The following ZBED3 variants were observed in gnomAD, a reference collection of about 807,000 sequenced individuals.
The protein encoded by ZBED3 is zinc finger BED-type containing 3.
For missense variants in ZBED3, 388 were observed against 362.9 expected, an observed-to-expected ratio of 1.07 and a Z score of -0.56; for synonymous variants, 175 against 180.0, an observed-to-expected ratio of 0.97 and a Z score of 0.22.
Position 77,077,717 on chromosome 5 carries a change from C to T in ZBED3, c.162G>A (p.Leu54=). ...PYSEAWGYFH[L]APGRPGHPSG... is the part of the protein sequence containing the mutation. Reference sequence around the variant, plus strand: ...ACGGATGCCCGGGGCGCCCCGGCGCCAGGTGGAAGTAGCCCCAGGCCTCGG... The same window carrying T: ...ACGGATGCCCGGGGCGCCCCGGCGCTAGGTGGAAGTAGCCCCAGGCCTCGG... The change falls in exon 3 of 3, where the codon CTG becomes CTA. Residue 54 remains leucine, a synonymous_variant. Transcript: ENST00000255198. The T allele has an allele frequency of 1.5e-6, 2 of 1,350,060 alleles. No individual in the cohort carries two copies. Among genetic ancestry groups the T allele is most frequent in the South Asian group, 3.6e-5 (2 of 55,750 alleles). 83.6% of individuals were successfully genotyped at this position (1,350,060 alleles called of 1,614,324 possible).
chr5:77,073,297 T>TA lies in ZBED3; in HGVS notation c.*3876dup, dbSNP rs959300802. The TA allele has an allele frequency of 3.3e-5, 5 of 152,176 alleles. No homozygotes were observed. The highest frequency in any genetic ancestry group is 1.3e-4 in the Admixed American group (2 of 15,282). The allele number at this position is 152,176 out of a possible 1,614,324, so 9.4% of individuals were successfully genotyped here. On this transcript the variant is annotated 3_prime_UTR_variant, in exon 3 of 3. Coordinates refer to ENST00000255198, the MANE Select transcript of ZBED3 (RefSeq NM_032367.4). The stretch of plus-strand genomic sequence containing the variant: ...TCCTTTCCTATGTTTTAATGGTTCT[T>TA]ACAATTGGTGAGATAGAAGAGTAAC...
chr5:77,077,738 C>T lies in ZBED3; in HGVS notation c.141G>A (p.Glu47=). ...GCGCCAGGTGGAAGTAGCCCCAGGC[C>T]TCGGAGTATGGCGCCCCCAGGCGGC... The part of the protein sequence containing the change: ...PPGRLGAPYS[E]AWGYFHLAPG... The change falls in exon 3 of 3, where the codon GAG becomes GAA. Residue 47 remains glutamate (E), a synonymous_variant. Transcript: ENST00000255198. 7.5e-7 allele frequency: 1 copy of T among 1,341,708 alleles called. No homozygotes were observed. Among genetic ancestry groups the T allele is most frequent in the Non-Finnish European group, 9.5e-7 (1 of 1,049,538 alleles). The allele number at this position is 1,341,708 out of a possible 1,614,324, so 83.1% of individuals were successfully genotyped here.
chr5:77,077,218 C>T lies in ZBED3; in HGVS notation c.661G>A (p.Glu221Lys). The change falls in exon 3 of 3, where the codon GAG becomes AAG. Residue 221 changes from glutamate to lysine, a missense_variant. By Grantham distance (56) the Glu-to-Lys change is moderately conservative. Transcript: ENST00000255198. Reference sequence around the variant, plus strand: ...ATGACGCAGCCGTCCCTGTCACCCTCGGGGTCGTCCTTGAGCGGCGGCGGC... The same window carrying T: ...ATGACGCAGCCGTCCCTGTCACCCTTGGGGTCGTCCTTGAGCGGCGGCGGC... ...AAPPPLKDDP[E>K]GDRDGCVITK... The T allele has an allele frequency of 1.3e-6, 2 of 1,499,434 alleles. No homozygotes were observed. The highest frequency in any genetic ancestry group is 1.8e-6 in the Non-Finnish European group (2 of 1,130,332). The allele number at this position is 1,499,434 out of a possible 1,614,324, so 92.9% of individuals were successfully genotyped here.
rs1487336518 is a variant in ZBED3, at chr5:77,076,997, C to T, written c.*177G>A. ...GTGAGTTTTGGTTCTGCTCTGGCTTCGAAGTGCTTCTCAAGCTGAAGCCTT... is the reference window on the plus strand; with the variant it reads ...GTGAGTTTTGGTTCTGCTCTGGCTTTGAAGTGCTTCTCAAGCTGAAGCCTT... On this transcript the variant is annotated 3_prime_UTR_variant, in exon 3 of 3. Transcript: ENST00000255198. 1.9e-5 allele frequency: 9 copies of T among 462,890 alleles called. No homozygotes were observed. Among genetic ancestry groups the T allele is most frequent in the Non-Finnish European group, 3.5e-6 (1 of 286,932 alleles). The allele number at this position is 462,890 out of a possible 1,614,324, so 28.7% of individuals were successfully genotyped here.
intron 1 of ZBED3, among the ~76,000 whole-genome samples, chr5:77,080,910 GTACCC>G (rs1384702168): frequency 6.6e-6 from 1 of 152,198 alleles, no homozygotes; most frequent in Non-Finnish European, 1.5e-5. Flanking sequence ...TTGTGCACAT[GTACCC>G]TAGAACTTAA....
intron 2 of ZBED3, 66 bp from the exon 3 acceptor site, chr5:77,077,961 A>C (rs2150740802): frequency 8.8e-7 from 1 of 1,138,630 alleles, no homozygotes; most frequent in East Asian, 3.2e-5. Flanking sequence ...GACTACAGTT[A>C]GCCTAAGAAA....
chr5:77,077,880 C>A lies in ZBED3; in HGVS notation c.-2G>T, dbSNP rs762508530. ...GCAGGCCGGCTCGCCACTCCTCATT[C>A]TGCGGCGCCCGCACGCTGGGGAGCA... On this transcript the variant is annotated 5_prime_UTR_variant, in exon 3 of 3. Coordinates refer to ENST00000255198, the MANE Select transcript of ZBED3 (RefSeq NM_032367.4). 6.4e-6 allele frequency: 8 copies of A among 1,255,050 alleles called. No individual in the cohort carries two copies. The highest frequency in any genetic ancestry group is 7.0e-6 in the Non-Finnish European group (7 of 1,002,406). The allele number at this position is 1,255,050 out of a possible 1,614,324, so 77.7% of individuals were successfully genotyped here. A position where few individuals can be genotyped will look rare whatever the true frequency, so the allele number is the denominator to read the frequency against.
chr5:77,075,394 C>G lies in ZBED3; in HGVS notation c.*1780G>C, dbSNP rs1362924703. 2 of 152,150 alleles carry G rather than the reference C, an allele frequency of 1.3e-5. No homozygotes were observed. Among genetic ancestry groups the G allele is most frequent in the Admixed American group, 1.3e-4 (2 of 15,284 alleles). The allele number at this position is 152,150 out of a possible 1,614,324, so 9.4% of individuals were successfully genotyped here. ...GTCGTTGTTTTTAAAGACAAACATT[C>G]TGGAGACAATTGTTGAATACTGATT... On this transcript the variant is annotated 3_prime_UTR_variant, in exon 3 of 3. Transcript: ENST00000255198.
chr5:77,073,377 C>T lies in ZBED3; in HGVS notation c.*3797G>A, dbSNP rs1189472435. ...AAAAGGAAATTCAGATCATCTAGCC[C>T]AATTTATAAATCCATATGAAGAAGT... is the stretch of plus-strand genomic sequence containing the variant. On this transcript the variant is annotated 3_prime_UTR_variant, in exon 3 of 3. Transcript: ENST00000255198. 1 of 151,770 alleles carries T rather than the reference C, an allele frequency of 6.6e-6. No individual in the cohort carries two copies. Among genetic ancestry groups the T allele is most frequent in the East Asian group, 1.9e-4 (1 of 5,194 alleles). The allele number at this position is 151,770 out of a possible 1,614,324, so 9.4% of individuals were successfully genotyped here.
At chr5:77,084,912 A>G (rs1031228476) in intron 1 of ZBED3, among the ~76,000 whole-genome samples, 2 of 152,256 alleles carry the variant, frequency 1.3e-5, no homozygotes, top group African/African-American at 2.4e-5. Flanking sequence ...CACTGCTAAC[A>G]TGAAATTAAC....
intron 1 of ZBED3, among the ~76,000 whole-genome samples, chr5:77,084,065 C>T (rs1052942456): frequency 6.6e-6 from 1 of 152,244 alleles, no homozygotes; most frequent in Non-Finnish European, 1.5e-5. Context: ...CATCCATTCA[C>T]TCCATCCAAC....
intron 1 of ZBED3, among the ~76,000 whole-genome samples, chr5:77,082,375 G>T (rs1743145776): frequency 6.6e-6 from 1 of 151,972 alleles, no homozygotes. Context: ...CACGTAGAAT[G>T]ACATCAGAAT....
intron 1 of ZBED3, among the ~76,000 whole-genome samples, chr5:77,082,928 G>A (rs898611973): frequency 2.6e-5 from 4 of 152,182 alleles, no homozygotes; most frequent in African/African-American, 9.7e-5. Flanking sequence ...CTGAGGTCAG[G>A]AGTTCAAGAC....
chr5:77,082,818 C>G (rs1387645611), intron 1 of ZBED3, among the ~76,000 whole-genome samples: 4 of 152,122 alleles, frequency 2.6e-5, no homozygotes, highest in African/African-American at 9.7e-5. Context: ...AGGATCTCTA[C>G]ATAAATAAAA....
rs1337787466 is a variant in ZBED3, at chr5:77,073,761, T to A, written c.*3413A>T. 1.3e-5 allele frequency: 2 copies of A among 152,166 alleles called. No homozygotes were observed. The highest frequency in any genetic ancestry group is 2.9e-5 in the Non-Finnish European group (2 of 68,022). The allele number at this position is 152,166 out of a possible 1,614,324, so 9.4% of individuals were successfully genotyped here. A position where few individuals can be genotyped will look rare whatever the true frequency, so the allele number is the denominator to read the frequency against. ...ATTAGTAATTACAGGAAAACTAACTTGTAAAAATCTTAAAGACATTGAATG... is the reference window on the plus strand; with the variant it reads ...ATTAGTAATTACAGGAAAACTAACTAGTAAAAATCTTAAAGACATTGAATG... On this transcript the variant is annotated 3_prime_UTR_variant, in exon 3 of 3. Transcript: ENST00000255198.
In ZBED3 at chr5:77,073,422, A is replaced by G. The variant is rs1742919436; in HGVS notation, c.*3752T>C. The G allele has an allele frequency of 6.6e-6, 1 of 152,236 alleles. No homozygotes were observed. 9.4% of individuals were successfully genotyped at this position (152,236 alleles called of 1,614,324 possible). A position where few individuals can be genotyped will look rare whatever the true frequency, so the allele number is the denominator to read the frequency against. ...AGAAGTTAAGTTCCAATACTTGAAA[A>G]TAACTTAGAGTAATATAAAAATTGC... On this transcript the variant is annotated 3_prime_UTR_variant, in exon 3 of 3. Coordinates refer to ENST00000255198, the MANE Select transcript of ZBED3 (RefSeq NM_032367.4).
At position 77,077,153 on chromosome 5, in the gene ZBED3, G is replaced by A. The variant is rs374247113; in HGVS notation, c.*21C>T. On this transcript the variant is annotated 3_prime_UTR_variant, in exon 3 of 3. Coordinates refer to ENST00000255198, the MANE Select transcript of ZBED3 (RefSeq NM_032367.4). The stretch of plus-strand genomic sequence containing the variant: ...ATTGGACGGAGAAGCGCTGTCCTGG[G>A]GTGGGGAAGTGGCCACACCCCTACA... The A allele has an allele frequency of 5.1e-5, 72 of 1,416,086 alleles. No homozygotes were observed. The highest frequency in any genetic ancestry group is 4.4e-4 in the East Asian group (15 of 34,290). The allele number at this position is 1,416,086 out of a possible 1,614,324, so 87.7% of individuals were successfully genotyped here. A position where few individuals can be genotyped will look rare whatever the true frequency, so the allele number is the denominator to read the frequency against.
At chr5:77,084,010 T>A (rs534645859) in intron 1 of ZBED3, among the ~76,000 whole-genome samples, 36 of 152,254 alleles carry the variant, frequency 2.4e-4, no homozygotes, top group African/African-American at 8.4e-4. Flanking sequence ...CTTGAAAAAA[T>A]TTTTAAACTA....
chr5:77,080,093 G>A lies in ZBED3; in HGVS notation c.-152-1365C>T, dbSNP rs370374733. ...TTTATAAATTAAAAGGGATGTAAAC[G>A]TTTCCTATAACATCAAGAGTATTGC... On this transcript the variant is annotated intron_variant, in intron 1 of 2. Coordinates refer to ENST00000255198, the MANE Select transcript of ZBED3 (RefSeq NM_032367.4). Among the ~76,000 whole-genome samples the A allele has an allele frequency of 5.3e-5, 8 of 152,188 alleles. No homozygotes were observed. In the Middle Eastern group the frequency reaches 0.017, roughly 324 times the overall value.
Sources: gnomAD v4.1 joint callset for allele counts (sites outside exome capture counted in the v4.1 genomes callset) on GRCh38, gnomAD v4.1.1 for gene constraint, MANE v1.5 for transcripts, NCBI Gene and HGNC (gene_info 2026-07-23, HGNC 2026-07-21) for gene names.